PPFIBP1: variants seen among roughly 807,000 people sequenced by gnomAD.
PPFIBP1 encodes the protein PPFIB scaffold protein 1, also known as liprin-beta-1.
In PPFIBP1, 112 loss-of-function variants were observed where a neutral mutation model predicts 137.8. The ratio of observed to expected loss-of-function variants is 0.81; its 90% CI spans 0.70 to 0.95. The LOEUF (loss-of-function observed/expected upper bound fraction) is 0.95, where lower values mean the gene tolerates loss of function less well. Ranked by LOEUF, PPFIBP1 falls within the 40% of genes least tolerant of loss-of-function variation. The pLI, the probability that PPFIBP1 is intolerant of heterozygous loss-of-function variation, is 0.00. For missense variants in PPFIBP1, 1,083 were observed against 1,196.6 expected (o/e 0.91, Z 1.40); for synonymous variants, 378 against 417.3 (o/e 0.91, Z 1.15).
At chr12:27,604,583 T>C (rs775499788) in intron 2 of PPFIBP1, among the ~76,000 whole-genome samples, 20 of 152,236 alleles carry the variant, frequency 1.3e-4, no homozygotes, top group Non-Finnish European at 2.8e-4. Context: ...AAGCTTTCTC[T>C]GCACTTCCCT....
intron 1 of PPFIBP1, chr12:27,548,314 T>C: frequency 6.6e-6 from 1 of 152,292 alleles, no homozygotes; most frequent in Non-Finnish European, 1.5e-5. Context: ...AACTCAGACT[T>C]AGAACCTTCC....
intron 2 of PPFIBP1, among the ~76,000 whole-genome samples, chr12:27,598,295 A>G (rs190228284): frequency 3.3e-3 from 510 of 152,298 alleles, no homozygotes; most frequent in Non-Finnish European, 6.3e-3. Context: ...AGGAGCAGCA[A>G]AGTCACATCT....
chr12:27,684,353 C>A (rs939460325), intron 24 of PPFIBP1, among the ~76,000 whole-genome samples: 2 of 152,106 alleles, frequency 1.3e-5, no homozygotes, highest in Non-Finnish European at 2.9e-5. Flanking sequence ...AGGAGATCCA[C>A]CTGCCTCGGC....
intron 27 of PPFIBP1, 48 bp from the exon 28 acceptor site, chr12:27,691,701 G>A (rs1282294769): frequency 1.8e-5 from 27 of 1,519,090 alleles, no homozygotes; most frequent in Non-Finnish European, 2.4e-5. Flanking sequence ...TTGATTATAT[G>A]AATTTTATCA....
At chr12:27,629,927 G>A (rs10842955) in intron 2 of PPFIBP1, among the ~76,000 whole-genome samples, 49,244 of 151,936 alleles carry the variant, frequency 0.32, 8,275 homozygotes, top group East Asian at 0.44. Flanking sequence ...AAACCCATTT[G>A]AAATTTATCG....
At position 27,677,214 on chromosome 12, in the gene PPFIBP1, C is replaced by T; in HGVS notation, c.1615+118C>T. 5 of 1,277,910 alleles carry T rather than the reference C, an allele frequency of 3.9e-6. No homozygotes were observed. In the South Asian group the frequency reaches 6.6e-5, roughly 17 times the overall value. 79.2% of individuals were successfully genotyped at this position (1,277,910 alleles called of 1,614,324 possible). ...CTGACAGCAATCAGAAAATGTAGTT[C>T]TCTATTCCGGAGTGTTCTTTCCACC... On this transcript the variant is annotated intron_variant, in intron 19 of 29. Coordinates refer to ENST00000228425, the MANE Select transcript of PPFIBP1 (RefSeq NM_003622.4).
chr12:27,586,514 A>G (rs958144893), intron 2 of PPFIBP1, among the ~76,000 whole-genome samples: 6 of 152,156 alleles, frequency 3.9e-5, no homozygotes, highest in African/African-American at 1.4e-4. Flanking sequence ...TCTGGCCAAC[A>G]TGGTGAAACC....
At chr12:27,644,930 C>G (rs1236990650) in intron 4 of PPFIBP1, among the ~76,000 whole-genome samples, 3 of 151,184 alleles carry the variant, frequency 2.0e-5, no homozygotes, top group African/African-American at 7.3e-5. Flanking sequence ...TTTTCTTCCC[C>G]CTTCCCAGCA....
At chr12:27,612,052 C>T (rs1331758649) in intron 2 of PPFIBP1, among the ~76,000 whole-genome samples, 1 of 152,162 alleles carries the variant, frequency 6.6e-6, no homozygotes, top group East Asian at 1.9e-4. Context: ...CCACATTAGC[C>T]TTGTTTAGTT....
chr12:27,549,217 C>T (rs560898251), intron 1 of PPFIBP1: 1 of 136,368 alleles, frequency 7.3e-6, no homozygotes, highest in Non-Finnish European at 1.7e-5. Flanking sequence ...AATATGTGCA[C>T]CATTTCTTCT....
At chr12:27,633,604 C>A in intron 3 of PPFIBP1, 144 bp downstream of exon 3, 2 of 656,004 alleles carry the variant, frequency 3.0e-6, no homozygotes, top group Non-Finnish European at 2.5e-6. Context: ...CATCTTTGTT[C>A]CTCTTCTCCA....
chr12:27,678,483 A>C (rs2060656944), intron 19 of PPFIBP1, among the ~76,000 whole-genome samples: 1 of 152,246 alleles, frequency 6.6e-6, no homozygotes, highest in African/African-American at 2.4e-5. Flanking sequence ...AAGGAGAAGG[A>C]GTAAAAGGAA....
intron 12 of PPFIBP1, among the ~76,000 whole-genome samples, chr12:27,665,677 C>T (rs748900645): frequency 3.3e-5 from 5 of 152,132 alleles, no homozygotes; most frequent in Admixed American, 6.5e-5. Context: ...GTTATTTGCT[C>T]GCAACGTAAG....
intron 15 of PPFIBP1, among the ~76,000 whole-genome samples, chr12:27,672,991 T>G: frequency 6.6e-6 from 1 of 152,208 alleles, no homozygotes; most frequent in East Asian, 1.9e-4. Context: ...ACTATTATCT[T>G]TTACTTTATT....
intron 1 of PPFIBP1, among the ~76,000 whole-genome samples, chr12:27,529,585 T>G (rs148909342): frequency 1.5e-3 from 227 of 152,328 alleles, no homozygotes; most frequent in African/African-American, 5.0e-3. Flanking sequence ...TCCCAGCTAC[T>G]CAGGAGGCTG....
At chr12:27,574,551 GGGTCTTAAAAGTCCAT>G (rs1288539453) in intron 1 of PPFIBP1, among the ~76,000 whole-genome samples, 2 of 152,086 alleles carry the variant, frequency 1.3e-5, no homozygotes, top group African/African-American at 4.8e-5. Flanking sequence ...AATCTTAGAT[GGGTCTTAAAAGTCCAT>G]GGAAGTCCAT....
At chr12:27,600,968 T>G (rs1419524852) in intron 2 of PPFIBP1, among the ~76,000 whole-genome samples, 1 of 152,224 alleles carries the variant, frequency 6.6e-6, no homozygotes, top group African/African-American at 2.4e-5. Context: ...TTTTTTGTGG[T>G]GAGAACTTTT....
At position 27,692,573 on chromosome 12, in the gene PPFIBP1, A is replaced by G. The variant is rs762418951; in HGVS notation, c.2866-18A>G. 2.5e-6 allele frequency: 4 copies of G among 1,611,020 alleles called. No individual in the cohort carries two copies. The African/African-American group carries it at 5.3e-5, about 22-fold the overall frequency. ...ATTGTGAAAACACTTATGTCATGTT[A>G]TGGTTTGTTATTTGCAGATGGAAGA... On this transcript the variant is annotated intron_variant, in intron 28 of 29. Transcript: ENST00000228425.
At position 27,569,656 on chromosome 12, in the gene PPFIBP1, T is replaced by TG. The variant is rs539758933; in HGVS notation, c.-123-8496_-123-8495insG. Among the ~76,000 whole-genome samples the TG allele has an allele frequency of 6.4e-4, 98 of 152,240 alleles. No homozygotes were observed. The South Asian group carries it at 1.0e-2, about 15-fold the overall frequency. On this transcript the variant is annotated intron_variant, in intron 1 of 29. Coordinates refer to ENST00000228425, the MANE Select transcript of PPFIBP1 (RefSeq NM_003622.4). ...CTGCAACCTCTGCCTCCCAGGGGGT[T>TG]CAAGCAATTCTCCTGCCTCAGCCTC...
Sources: gnomAD v4.1 joint callset for allele counts (sites outside exome capture counted in the v4.1 genomes callset) on GRCh38, gnomAD v4.1.1 for gene constraint, MANE v1.5 for transcripts, NCBI Gene and HGNC (gene_info 2026-07-23, HGNC 2026-07-21) for gene names.